Variants in AKAP10 observed in about 807,000 individuals in gnomAD.
The protein encoded by AKAP10 is A-kinase anchor protein 10, mitochondrial.
Under a neutral mutation model 80.8 loss-of-function variants are expected in AKAP10, and 24 were observed. That is an observed-to-expected ratio of 0.30 (90% confidence interval 0.22 to 0.42). The LOEUF (loss-of-function observed/expected upper bound fraction) is 0.42, where lower values mean the gene tolerates loss of function less well. Among genes scored for constraint, AKAP10 ranks in the 10% least tolerant of loss-of-function variants. AKAP10 has a pLI of 1.00. For synonymous variants in AKAP10, 291 were observed against 277.7 expected (o/e 1.05, Z -0.48); for missense variants, 661 against 794.9 (o/e 0.83, Z 2.03).
rs756229283 is a variant in AKAP10 at position 19,909,983 on chromosome 17, T to C, written c.1835-5A>G. On this transcript the variant is annotated splice_polypyrimidine_tract_variant and splice_region_variant and intron_variant, in intron 12 of 14. Coordinates refer to ENST00000225737, the MANE Select transcript of AKAP10 (RefSeq NM_007202.4). ...TAGCTTGTGAGAACATGGATCCTAGTAAACAAAGACAAAATTGAATGTACA... is the reference window on the plus strand; with the variant it reads ...TAGCTTGTGAGAACATGGATCCTAGCAAACAAAGACAAAATTGAATGTACA... 1 of 1,613,314 alleles carries C rather than the reference T, an allele frequency of 6.2e-7. No homozygotes were observed. The highest frequency in any genetic ancestry group is 8.5e-7 in the Non-Finnish European group (1 of 1,179,550).
At chr17:19,947,133 G>T in intron 5 of AKAP10, 1 of 406,692 alleles carries the variant, frequency 2.5e-6, no homozygotes, top group South Asian at 2.5e-5. Context: ...GGTTAGCGTA[G>T]CCGCCCGCCG....
Position 19,906,114 on chromosome 17 carries a change from G to T in AKAP10, c.*113C>A. On this transcript the variant is annotated 3_prime_UTR_variant, in exon 15 of 15. Coordinates refer to ENST00000225737, the MANE Select transcript of AKAP10 (RefSeq NM_007202.4). Reference sequence around the variant, plus strand: ...CTCCCATTCTCTCCTGGAAACAACAGTGACAGATCAGAAATATAGTGCTGT... The same window carrying T: ...CTCCCATTCTCTCCTGGAAACAACATTGACAGATCAGAAATATAGTGCTGT... The T allele has an allele frequency of 8.3e-7, 1 of 1,200,314 alleles. No homozygotes were observed. The allele number at this position is 1,200,314 out of a possible 1,614,324, so 74.4% of individuals were successfully genotyped here. A position where few individuals can be genotyped will look rare whatever the true frequency, so the allele number is the denominator to read the frequency against.
chr17:19,957,361 G>C (rs2043289717), intron 4 of AKAP10, among the ~76,000 whole-genome samples: 1 of 151,996 alleles, frequency 6.6e-6, no homozygotes, highest in South Asian at 2.1e-4. Context: ...CGAACATGGT[G>C]AAACCCCGTC....
At chr17:19,956,060 A>G (rs1334884013) in intron 4 of AKAP10, among the ~76,000 whole-genome samples, 1 of 152,202 alleles carries the variant, frequency 6.6e-6, no homozygotes, top group East Asian at 1.9e-4. Flanking sequence ...TTACAGGGAC[A>G]ACACATTAAG....
At chr17:19,917,916 A>T (rs1345658566) in intron 12 of AKAP10, among the ~76,000 whole-genome samples, 1 of 150,722 alleles carries the variant, frequency 6.6e-6, no homozygotes, top group Non-Finnish European at 1.5e-5. Context: ...CCACCCGACA[A>T]AAAAAAAGAA....
chr17:19,957,951 G>A, intron 4 of AKAP10, 63 bp downstream of exon 4: 2 of 1,453,122 alleles, frequency 1.4e-6, no homozygotes, highest in Middle Eastern at 1.9e-4. Flanking sequence ...CTGAAGTTCT[G>A]CTTAGTAAAT....
chr17:19,974,103 A>T (rs2152420098), intron 1 of AKAP10, among the ~76,000 whole-genome samples: 1 of 152,262 alleles, frequency 6.6e-6, no homozygotes, highest in East Asian at 1.9e-4. Flanking sequence ...GAGGCAGGAG[A>T]ATCACTTGAA....
chr17:19,931,921 T>A lies in AKAP10; in HGVS notation c.1525A>T (p.Ile509Phe), dbSNP rs756843878. 3.1e-6 allele frequency: 5 copies of A among 1,613,284 alleles called. No individual in the cohort carries two copies. The East Asian group carries it at 1.1e-4, about 36-fold the overall frequency. The stretch of plus-strand genomic sequence containing the variant: ...AATTCATCTCCTCGAACCGAATGGA[T>A]GAGATCATTCAAATATTTATAATAA... ...NLYYKYLNDL[I>F]HSVRGDEFLG... The change falls in exon 10 of 15, where the codon ATC becomes TTC. Residue 509 changes from isoleucine to phenylalanine, a missense_variant. Coordinates refer to ENST00000225737, the MANE Select transcript of AKAP10 (RefSeq NM_007202.4).
At position 19,958,416 on chromosome 17, in the gene AKAP10, C is replaced by G; in HGVS notation, c.475G>C (p.Glu159Gln). Residue 159 changes from glutamate (E) to glutamine (Q), a missense_variant, in exon 4 of 15, where the codon GAA becomes CAA. Transcript: ENST00000225737. ...EHLVKFWLEAESFHSTTWSRI... is the reference protein window; with the variant it reads ...EHLVKFWLEAQSFHSTTWSRI... ...GACCAAGTTGTTGAATGAAAACTTT[C>G]AGCCTCTAACCAAAATTTCACCAAA... 1 of 1,614,178 alleles carries G rather than the reference C, an allele frequency of 6.2e-7. No homozygotes were observed. Among genetic ancestry groups the G allele is most frequent in the South Asian group, 1.1e-5 (1 of 91,080 alleles).
At chr17:19,961,328 C>A (rs947620698) in intron 3 of AKAP10, among the ~76,000 whole-genome samples, 3 of 151,124 alleles carry the variant, frequency 2.0e-5, no homozygotes, top group African/African-American at 4.9e-5. Flanking sequence ...CTCCAGCCTG[C>A]GCAACAGAGT....
intron 5 of AKAP10, among the ~76,000 whole-genome samples, chr17:19,946,056 T>TTTTTTTTTTTTTTTTTTTGG: frequency 6.8e-6 from 1 of 146,280 alleles, no homozygotes; most frequent in African/African-American, 2.5e-5. Context: ...AACATTTTTC[T>TTTTTTTTTTTTTTTTTTTGG]GAAATGTTTG....
intron 10 of AKAP10, among the ~76,000 whole-genome samples, chr17:19,929,934 G>A (rs2042914227): frequency 6.8e-6 from 1 of 148,044 alleles, no homozygotes; most frequent in Non-Finnish European, 1.5e-5. Flanking sequence ...CCACGATCGT[G>A]CCATTGCACT....
At chr17:19,928,623 TC>T (rs1195295127) in intron 10 of AKAP10, among the ~76,000 whole-genome samples, 3 of 152,164 alleles carry the variant, frequency 2.0e-5, no homozygotes, top group African/African-American at 7.2e-5. Context: ...ACCCCTGTAA[TC>T]CCAGCACTTT....
Position 19,940,887 on chromosome 17 carries a change from C to A in AKAP10, c.1185G>T (p.Glu395Asp). 1 of 1,597,424 alleles carries A rather than the reference C, an allele frequency of 6.3e-7. No individual in the cohort carries two copies. Among genetic ancestry groups the A allele is most frequent in the Non-Finnish European group, 8.5e-7 (1 of 1,175,002 alleles). Residue 395 changes from glutamate to aspartate, a missense_variant and splice_region_variant, in exon 7 of 15, where the codon GAG becomes GAT. Transcript: ENST00000225737. ...FCESALFYFS[E>D]YMEKEDAVNI... ...GTGTGAAAAGAAATGCAGACTTTAC[C>A]TCAGAGAAATAAAAGAGGGCTGACT...
chr17:19,940,343 C>T (rs1378943672), intron 7 of AKAP10, among the ~76,000 whole-genome samples: 1 of 152,182 alleles, frequency 6.6e-6, no homozygotes, highest in Non-Finnish European at 1.5e-5. Flanking sequence ...CTTTGTGAGA[C>T]TGGGAATCCT....
intron 2 of AKAP10, among the ~76,000 whole-genome samples, chr17:19,967,382 A>G (rs1409520691): frequency 6.6e-6 from 1 of 152,270 alleles, no homozygotes; most frequent in African/African-American, 2.4e-5. Context: ...ATACTTCTGG[A>G]TAAATGACAG....
chr17:19,973,478 G>C (rs1023104301), intron 1 of AKAP10, among the ~76,000 whole-genome samples: 1 of 152,164 alleles, frequency 6.6e-6, no homozygotes, highest in Non-Finnish European at 1.5e-5. Context: ...CCAGATGATG[G>C]ATAACTAGCA....
intron 10 of AKAP10, 121 bp downstream of exon 10, chr17:19,931,684 C>T (rs1441482459): frequency 1.6e-6 from 2 of 1,226,630 alleles, no homozygotes; most frequent in South Asian, 1.7e-5. Flanking sequence ...GGCCACTGTG[C>T]CTGGCTTTTA....
At chr17:19,931,107 C>T (rs1567757903) in intron 10 of AKAP10, among the ~76,000 whole-genome samples, 1 of 151,894 alleles carries the variant, frequency 6.6e-6, no homozygotes, top group Admixed American at 6.6e-5. Flanking sequence ...CCAGAATTTC[C>T]AGGTTGCAGC....
Sources: gnomAD v4.1 joint callset for allele counts (sites outside exome capture counted in the v4.1 genomes callset) on GRCh38, gnomAD v4.1.1 for gene constraint, MANE v1.5 for transcripts, NCBI Gene and HGNC (gene_info 2026-07-23, HGNC 2026-07-21) for gene names.